PRKN: variants seen among roughly 807,000 people sequenced by gnomAD.
The protein encoded by PRKN is E3 ubiquitin-protein ligase parkin.
PRKN carries 56 observed loss-of-function variants against 59.5 expected under a neutral mutation model. The ratio of observed to expected loss-of-function variants is 0.94; its 90% CI spans 0.76 to 1.18. The LOEUF (loss-of-function observed/expected upper bound fraction) is 1.18, where lower values mean the gene tolerates loss of function less well. Ranked by LOEUF, PRKN falls within the 50% of genes most tolerant of loss-of-function variation. The pLI, the probability that PRKN is intolerant of heterozygous loss-of-function variation, is 0.00. For synonymous variants in PRKN, 250 were observed against 222.1 expected (o/e 1.13, Z -1.12); for missense variants, 657 against 596.4 (o/e 1.10, Z -1.06).
chr6:162,221,525 G>A (rs1401201653), intron 3 of PRKN, among the ~76,000 whole-genome samples: 2 of 152,136 alleles, frequency 1.3e-5, no homozygotes, highest in Non-Finnish European at 2.9e-5. Flanking sequence ...TGGAGCAGCA[G>A]AGAACTCTGA....
chr6:162,135,148 G>T (rs909484946), intron 4 of PRKN, among the ~76,000 whole-genome samples: 1 of 151,764 alleles, frequency 6.6e-6, no homozygotes, highest in Non-Finnish European at 1.5e-5. Context: ...TTGTTGTTTG[G>T]CTTTTACAGA....
chr6:162,630,307 A>C (rs1310154051), intron 1 of PRKN, among the ~76,000 whole-genome samples: 2 of 152,156 alleles, frequency 1.3e-5, no homozygotes, highest in African/African-American at 4.8e-5. Context: ...TTTTCTTCGT[A>C]CTAATGCTGC....
intron 5 of PRKN, among the ~76,000 whole-genome samples, chr6:162,053,225 G>T (rs956376981): frequency 6.6e-6 from 1 of 152,170 alleles, no homozygotes; most frequent in Non-Finnish European, 1.5e-5. Flanking sequence ...GCAAGAGAAA[G>T]CTCCTCTCAT....
intron 2 of PRKN, among the ~76,000 whole-genome samples, chr6:162,402,142 G>C (rs551872040): frequency 6.6e-6 from 1 of 151,598 alleles, no homozygotes; most frequent in Non-Finnish European, 1.5e-5. Flanking sequence ...CCAGCTACTC[G>C]AGAGGCTAAG....
intron 9 of PRKN, among the ~76,000 whole-genome samples, chr6:161,477,525 A>G (rs1361280049): frequency 1.3e-5 from 2 of 152,022 alleles, no homozygotes; most frequent in African/African-American, 4.8e-5. Flanking sequence ...AAAAAAAAAA[A>G]AAATACTGGT....
rs918762177 is a variant in PRKN at position 161,952,892 on chromosome 6, C to T, written c.734+20410G>A. 5.9e-5 allele frequency among the ~76,000 whole-genome samples: 9 copies of T among 152,152 alleles called. 1 individual carries two copies. Among genetic ancestry groups the T allele is most frequent in the Non-Finnish European group, 1.0e-4 (7 of 68,028 alleles). On this transcript the variant is annotated intron_variant, in intron 6 of 11. Coordinates refer to ENST00000366898, the MANE Select transcript of PRKN (RefSeq NM_004562.3). ...GGTAATCAGGAGGATCAAAGAATCACATGTATAAAACAATGAAAGGGTAAA... is the reference window on the plus strand; with the variant it reads ...GGTAATCAGGAGGATCAAAGAATCATATGTATAAAACAATGAAAGGGTAAA...
chr6:161,399,931 T>C lies in PRKN; in HGVS notation c.1084-13054A>G, dbSNP rs539670722. ...TTTACTTAACTAAATATATTCAAAA[T>C]TGTATCATTTCAACATGCAATCGAT... On this transcript the variant is annotated intron_variant, in intron 9 of 11. Transcript: ENST00000366898. The surrounding 1 kb of genome is among the most constrained non-coding windows in gnomAD (Gnocchi z 4.4). Among the ~76,000 whole-genome samples, 1 of 152,330 alleles carries C rather than the reference T, an allele frequency of 6.6e-6. No individual in the cohort carries two copies. Among genetic ancestry groups the C allele is most frequent in the East Asian group, 1.9e-4 (1 of 5,190 alleles).
rs57399165 is a variant in PRKN at position 161,756,442 on chromosome 6, GAAAAAA to G, written c.871+29324_871+29329del. On this transcript the variant is annotated intron_variant, in intron 7 of 11. Coordinates refer to ENST00000366898, the MANE Select transcript of PRKN (RefSeq NM_004562.3). ...GGGTGACAGAGTGAAACCTTGTCTC[GAAAAAA>G]AAAAAAAAAAAAAAAAAAAAAACAC... is the stretch of plus-strand genomic sequence containing the variant. Among the ~76,000 whole-genome samples, 368 of 74,650 alleles carry G rather than the reference GAAAAAA, an allele frequency of 4.9e-3. 1 individual carries two copies. The highest frequency in any genetic ancestry group is 0.023 in the South Asian group (45 of 1,962). The allele number at this position is 74,650 out of a possible 152,430, so 49.0% of individuals were successfully genotyped here.
chr6:161,585,194 C>T (rs781525842), intron 7 of PRKN, among the ~76,000 whole-genome samples: 11 of 152,196 alleles, frequency 7.2e-5, no homozygotes, highest in Non-Finnish European at 1.5e-4. Flanking sequence ...ACACGGGCAC[C>T]ATTAAATGCT....
At chr6:162,558,932 C>T (rs529398170) in intron 1 of PRKN, among the ~76,000 whole-genome samples, 133 of 152,076 alleles carry the variant, frequency 8.7e-4, no homozygotes, top group African/African-American at 2.9e-3. Flanking sequence ...TGAGCCACCG[C>T]GCCCAGCCAA....
intron 7 of PRKN, among the ~76,000 whole-genome samples, chr6:161,573,818 G>A (rs1781027976): frequency 8.4e-6 from 1 of 119,534 alleles, no homozygotes; most frequent in East Asian, 2.7e-4. Context: ...AACCTTGGGT[G>A]TTTTGGAGAA....
chr6:161,668,496 T>G (rs1259410203), intron 7 of PRKN, among the ~76,000 whole-genome samples: 1 of 152,192 alleles, frequency 6.6e-6, no homozygotes, highest in East Asian at 1.9e-4. Context: ...TGTAACATTT[T>G]CACATTAGGG....
At chr6:161,732,771 T>C (rs944124663) in intron 7 of PRKN, among the ~76,000 whole-genome samples, 8 of 152,210 alleles carry the variant, frequency 5.3e-5, no homozygotes, top group Admixed American at 1.3e-4. Context: ...CAGAGTTTTA[T>C]GGGGCTATTT....
chr6:161,831,196 A>G (rs921786044), intron 6 of PRKN, among the ~76,000 whole-genome samples: 20 of 152,256 alleles, frequency 1.3e-4, no homozygotes, highest in Non-Finnish European at 5.9e-5. Flanking sequence ...AGAAACATAC[A>G]GGTGGTCTGC....
In PRKN at chr6:162,232,807, T is replaced by C. The variant is rs75222711; in HGVS notation, c.412+29718A>G. On this transcript the variant is annotated intron_variant, in intron 3 of 11. Coordinates refer to ENST00000366898, the MANE Select transcript of PRKN (RefSeq NM_004562.3). ...ATTTATATGTTACAGGACTGTTTAA[T>C]GCCAGTATCTGCACAAAGCGTGGTG... 2.2e-3 allele frequency among the ~76,000 whole-genome samples: 340 copies of C among 152,320 alleles called. 1 individual carries two copies. Among genetic ancestry groups the C allele is most frequent in the Non-Finnish European group, 3.8e-3 (258 of 68,032 alleles).
chr6:162,100,689 C>A (rs1244627514), intron 4 of PRKN, among the ~76,000 whole-genome samples: 1 of 152,088 alleles, frequency 6.6e-6, no homozygotes, highest in African/African-American at 2.4e-5. Context: ...TGATCTGTCC[C>A]CTTCAGCCTC....
In PRKN at chr6:161,549,802, T is replaced by G. The variant is rs1779934021; in HGVS notation, c.934-799A>C. ...AATTATTAATTAAATAATGCAACAT[T>G]TATTGAGAGCCTACTACATTCCAGA... On this transcript the variant is annotated intron_variant, in intron 8 of 11. Coordinates refer to ENST00000366898, the MANE Select transcript of PRKN (RefSeq NM_004562.3). This position sits in a 1 kb window ranked among gnomAD's most constrained non-coding sequence, Gnocchi z 6.0. Among the ~76,000 whole-genome samples, 1 of 152,192 alleles carries G rather than the reference T, an allele frequency of 6.6e-6. No individual in the cohort carries two copies. Among genetic ancestry groups the G allele is most frequent in the Admixed American group, 6.5e-5 (1 of 15,292 alleles).
intron 1 of PRKN, among the ~76,000 whole-genome samples, chr6:162,647,163 G>T (rs1228270711): frequency 1.3e-5 from 2 of 151,786 alleles, no homozygotes; most frequent in Non-Finnish European, 2.9e-5. Context: ...TAGAGAGAAA[G>T]AATAATAATA....
Position 161,428,411 on chromosome 6 carries a change from G to C in PRKN, c.1084-41534C>G, listed in dbSNP as rs1441955665. On this transcript the variant is annotated intron_variant, in intron 9 of 11. Transcript: ENST00000366898. This position sits in a 1 kb window ranked among gnomAD's most constrained non-coding sequence, Gnocchi z 4.0. ...GCAGACAGAAGCCTGCCATCCGCCGGAGTCTGTGAGCTTCAGGGTCCACAC... is the reference window on the plus strand; with the variant it reads ...GCAGACAGAAGCCTGCCATCCGCCGCAGTCTGTGAGCTTCAGGGTCCACAC... Among the ~76,000 whole-genome samples the C allele has an allele frequency of 1.3e-5, 2 of 152,136 alleles. No homozygotes were observed. Among genetic ancestry groups the C allele is most frequent in the Non-Finnish European group, 2.9e-5 (2 of 68,038 alleles).
Sources: gnomAD v4.1 joint callset for allele counts (sites outside exome capture counted in the v4.1 genomes callset) on GRCh38, gnomAD v4.1.1 for gene constraint, Gnocchi (gnomAD v3.1) non-coding constraint, MANE v1.5 for transcripts, NCBI Gene and HGNC (gene_info 2026-07-23, HGNC 2026-07-21) for gene names.